ANK3: variants seen among roughly 807,000 people sequenced by gnomAD.
ANK3 encodes ankyrin-3.
ANK3 carries 57 observed loss-of-function variants against 370.9 expected under a neutral mutation model. The observed-to-expected ratio is 0.15, with a 90% confidence interval of 0.12 to 0.19. The LOEUF is 0.19. Among genes scored for constraint, ANK3 ranks in the 10% least tolerant of loss-of-function variants. The probability of loss-of-function intolerance (pLI) is 1.00; values close to 1 mark genes in which losing one functional copy is unlikely to be tolerated. For missense variants in ANK3, 4,439 were observed against 5,302.1 expected (o/e 0.84, Z 5.06); for synonymous variants, 1,929 against 1,946.3 (o/e 0.99, Z 0.23).
intron 2 of ANK3, among the ~76,000 whole-genome samples, chr10:60,555,560 G>C (rs2077187850): frequency 6.6e-6 from 1 of 152,006 alleles, no homozygotes. Flanking sequence ...AAAGCATTCG[G>C]GTATGAAGGC....
intron 2 of ANK3, among the ~76,000 whole-genome samples, chr10:60,431,224 C>G (rs900482871): frequency 1.3e-5 from 2 of 152,188 alleles, no homozygotes; most frequent in African/African-American, 4.8e-5. Context: ...AGTGACAAAT[C>G]ACCAGGCATT....
At chr10:60,250,705 G>C (rs1442706942) in intron 7 of ANK3, among the ~76,000 whole-genome samples, 2 of 152,158 alleles carry the variant, frequency 1.3e-5, no homozygotes, top group Non-Finnish European at 2.9e-5. Flanking sequence ...ACTCCTTTTA[G>C]AGACAAGCCT....
At chr10:60,479,156 C>T (rs2075146837) in intron 2 of ANK3, among the ~76,000 whole-genome samples, 1 of 152,040 alleles carries the variant, frequency 6.6e-6, no homozygotes, top group Non-Finnish European at 1.5e-5. Context: ...ATCATAGCAA[C>T]TGAATGATTT....
Position 60,139,094 on chromosome 10 carries a change from A to C in ANK3, c.2615-7T>G. 1 of 1,613,146 alleles carries C rather than the reference A, an allele frequency of 6.2e-7. No homozygotes were observed. The highest frequency in any genetic ancestry group is 8.5e-7 in the Non-Finnish European group (1 of 1,179,592). On this transcript the variant is annotated splice_polypyrimidine_tract_variant and splice_region_variant and intron_variant, in intron 23 of 43. Transcript: ENST00000280772. ...CCGGTCATTGCATCTTCACCTGCAG[A>C]TGTAGAGAGTAAGCCCACATCAAAA...
chr10:60,412,128 G>C (rs1391750020), intron 2 of ANK3, among the ~76,000 whole-genome samples: 1 of 152,172 alleles, frequency 6.6e-6, no homozygotes, highest in Non-Finnish European at 1.5e-5. Flanking sequence ...CAGCCACCAG[G>C]TAGACAAACT....
At chr10:60,691,639 C>A (rs1321201123) in intron 1 of ANK3, among the ~76,000 whole-genome samples, 2 of 152,114 alleles carry the variant, frequency 1.3e-5, no homozygotes, top group African/African-American at 4.8e-5. Context: ...TTTTCCCAGC[C>A]AAAATATATG....
chr10:60,334,084 C>T (rs911658469), intron 1 of ANK3, among the ~76,000 whole-genome samples: 1 of 152,010 alleles, frequency 6.6e-6, no homozygotes, highest in Non-Finnish European at 1.5e-5. Flanking sequence ...GTTAAAAATC[C>T]CAGGTGATGG....
intron 42 of ANK3, among the ~76,000 whole-genome samples, chr10:60,049,814 G>A (rs1360545264): frequency 1.3e-5 from 2 of 152,148 alleles, no homozygotes; most frequent in Non-Finnish European, 2.9e-5. Flanking sequence ...AGCCCTTATT[G>A]ATTTGAGAGG....
At chr10:60,706,455 C>T (rs1207949796) in intron 1 of ANK3, among the ~76,000 whole-genome samples, 1 of 152,104 alleles carries the variant, frequency 6.6e-6, no homozygotes, top group South Asian at 2.1e-4. Context: ...TTCACCCCAA[C>T]ACAGAAACAT....
At chr10:60,162,349 A>G (rs2095520182) in intron 23 of ANK3, among the ~76,000 whole-genome samples, 2 of 152,310 alleles carry the variant, frequency 1.3e-5, no homozygotes, top group East Asian at 1.9e-4. Flanking sequence ...GTGTCAGACC[A>G]GTCTTCTTGT....
chr10:60,228,765 G>A (rs1055262291), intron 8 of ANK3, among the ~76,000 whole-genome samples: 1 of 152,018 alleles, frequency 6.6e-6, no homozygotes, highest in Admixed American at 6.6e-5. Context: ...AATTAGATGT[G>A]AGCATTACCA....
chr10:60,179,515 C>T (rs2096080321), intron 18 of ANK3, among the ~76,000 whole-genome samples: 1 of 152,008 alleles, frequency 6.6e-6, no homozygotes, highest in African/African-American at 2.4e-5. Flanking sequence ...GCCAACATGG[C>T]GATACCCTGC....
intron 9 of ANK3, among the ~76,000 whole-genome samples, chr10:60,212,960 C>T (rs562301306): frequency 1.8e-4 from 28 of 152,162 alleles, no homozygotes; most frequent in African/African-American, 5.8e-4. Context: ...TTCCCAAAAG[C>T]CCAATCAAGG....
At chr10:60,427,669 G>T (rs2063919309) in intron 2 of ANK3, among the ~76,000 whole-genome samples, 1 of 152,040 alleles carries the variant, frequency 6.6e-6, no homozygotes, top group African/African-American at 2.4e-5. Context: ...GACATTTTGT[G>T]ATTTAAAAAA....
At chr10:60,511,077 T>C (rs2133162490) in intron 2 of ANK3, among the ~76,000 whole-genome samples, 1 of 152,288 alleles carries the variant, frequency 6.6e-6, no homozygotes, top group South Asian at 2.1e-4. Flanking sequence ...TTCTTATGAC[T>C]ATATTTTAGA....
At chr10:60,457,708 C>G (rs796811387) in intron 2 of ANK3, among the ~76,000 whole-genome samples, 1 of 151,962 alleles carries the variant, frequency 6.6e-6, no homozygotes, top group Admixed American at 6.6e-5. Flanking sequence ...GTTAGGGCCT[C>G]CTGATTTCTT....
intron 2 of ANK3, among the ~76,000 whole-genome samples, chr10:60,576,121 T>G (rs1284622129): frequency 6.6e-6 from 1 of 152,126 alleles, no homozygotes; most frequent in East Asian, 1.9e-4. Flanking sequence ...AGAAAAAACA[T>G]AAGCTGAATA....
intron 2 of ANK3, among the ~76,000 whole-genome samples, chr10:60,516,745 G>T (rs747307098): frequency 6.6e-6 from 1 of 152,078 alleles, no homozygotes; most frequent in Non-Finnish European, 1.5e-5. Context: ...GCCACTGCAC[G>T]CTAGTCTGGG....
At chr10:60,348,371 C>G (rs1023516886) in intron 1 of ANK3, among the ~76,000 whole-genome samples, 1 of 80,934 alleles carries the variant, frequency 1.2e-5, no homozygotes, top group African/African-American at 4.9e-5. Flanking sequence ...AAAAAAAAAA[C>G]ACAAAAAACA....
Sources: gnomAD v4.1 joint callset for allele counts (sites outside exome capture counted in the v4.1 genomes callset) on GRCh38, gnomAD v4.1.1 for gene constraint, MANE v1.5 for transcripts, NCBI Gene and HGNC (gene_info 2026-07-23, HGNC 2026-07-21) for gene names.